Variants in ATG10 observed in about 807,000 individuals in gnomAD.
The protein encoded by ATG10 is autophagy related 10, also known as ubiquitin-like-conjugating enzyme ATG10.
In ATG10, 30 loss-of-function variants were observed where a neutral mutation model predicts 32.1. The observed-to-expected ratio is 0.94, with a 90% CI of 0.70 to 1.27. ATG10 has a LOEUF of 1.27. ATG10 is among the 50% of genes most tolerant of loss of function. The pLI, the probability that ATG10 is intolerant of heterozygous loss-of-function variation, is 0.00. For missense variants in ATG10, 233 were observed against 262.3 expected, an observed-to-expected ratio of 0.89 and a Z score of 0.77; for synonymous variants, 87 against 91.5, an observed-to-expected ratio of 0.95 and a Z score of 0.28.
intron 2 of ATG10, among the ~76,000 whole-genome samples, chr5:82,008,465 CAAG>C (rs1389561384): frequency 2.0e-5 from 3 of 151,996 alleles, no homozygotes; most frequent in Admixed American, 6.6e-5. Context: ...GCAATAATTT[CAAG>C]AAGAACAGGT....
intron 1 of ATG10, among the ~76,000 whole-genome samples, chr5:81,982,891 G>A (rs535738314): frequency 1.3e-5 from 2 of 152,344 alleles, no homozygotes; most frequent in East Asian, 3.9e-4. Context: ...TAGGGTCACA[G>A]ATCAACAGGA....
intron 3 of ATG10, among the ~76,000 whole-genome samples, chr5:82,139,358 A>C (rs1423224488): frequency 6.7e-6 from 1 of 149,166 alleles, no homozygotes; most frequent in Non-Finnish European, 1.5e-5. Context: ...GAAAGTGAGG[A>C]GCGTCTCCGC....
chr5:82,152,894 A>C (rs1196749171), intron 3 of ATG10, among the ~76,000 whole-genome samples: 3 of 152,182 alleles, frequency 2.0e-5, no homozygotes, highest in Non-Finnish European at 2.9e-5. Flanking sequence ...GAAAATGGCA[A>C]CAGACAATTT....
intron 1 of ATG10, among the ~76,000 whole-genome samples, chr5:81,975,682 CA>C (rs111857799): frequency 0.088 from 12,607 of 143,234 alleles, 778 homozygotes; most frequent in African/African-American, 0.19. Flanking sequence ...ACCCCCCTCT[CA>C]AAAAAAAAAA....
intron 5 of ATG10, among the ~76,000 whole-genome samples, chr5:82,184,296 G>T (rs953887234): frequency 6.6e-6 from 1 of 152,110 alleles, no homozygotes; most frequent in African/African-American, 2.4e-5. Context: ...TGTAAAATAC[G>T]TTGTACATTG....
intron 2 of ATG10, among the ~76,000 whole-genome samples, chr5:82,012,692 T>C (rs1581597230): frequency 6.6e-6 from 1 of 152,170 alleles, no homozygotes; most frequent in East Asian, 1.9e-4. Context: ...GGTCTCACTG[T>C]GTCATCCAGG....
intron 3 of ATG10, among the ~76,000 whole-genome samples, chr5:82,105,511 A>G (rs1456889233): frequency 6.6e-6 from 1 of 152,148 alleles, no homozygotes; most frequent in East Asian, 1.9e-4. Context: ...TTCAGTGAGA[A>G]TGCCCTCTGA....
chr5:82,000,979 C>T (rs1173678107), intron 2 of ATG10, among the ~76,000 whole-genome samples: 1 of 152,118 alleles, frequency 6.6e-6, no homozygotes. Flanking sequence ...CATTTCTATG[C>T]ACCAACAATA....
chr5:82,058,592 T>G lies in ATG10; in HGVS notation c.206T>G (p.Leu69Arg), dbSNP rs147821761. The change falls in exon 3 of 8, where the codon CTT (leucine) becomes CGT (arginine). Residue 69 changes from leucine (L) to arginine (R), a missense_variant. Coordinates refer to ENST00000282185, the MANE Select transcript of ATG10 (RefSeq NM_031482.5). Reference protein sequence around the residue: ...LGASTHGQTCLPMEEAFELPL... With the variant: ...LGASTHGQTCRPMEEAFELPL... ...GCATCTACCCATGGACAGACATGTC[T>G]TCCCATGGAGGTGAGTAGTTTAATG... 53 of 1,608,106 alleles carry G rather than the reference T, an allele frequency of 3.3e-5. 1 individual carries two copies. In the East Asian group the frequency reaches 1.2e-3, roughly 35 times the overall value.
intron 3 of ATG10, among the ~76,000 whole-genome samples, chr5:82,098,311 T>TG (rs1397498461): frequency 1.1e-3 from 152 of 141,778 alleles, no homozygotes; most frequent in African/African-American, 3.9e-3. Context: ...TTGTTGGGTT[T>TG]TTTTTTTTTT....
At chr5:81,987,122 A>G (rs1472917454) in intron 1 of ATG10, among the ~76,000 whole-genome samples, 1 of 152,068 alleles carries the variant, frequency 6.6e-6, no homozygotes, top group Non-Finnish European at 1.5e-5. Context: ...AAAAACAAAA[A>G]TACTTTTTTA....
intron 3 of ATG10, among the ~76,000 whole-genome samples, chr5:82,159,473 G>A (rs113903880): frequency 2.6e-3 from 393 of 152,234 alleles, no homozygotes; most frequent in African/African-American, 9.0e-3. Flanking sequence ...GTTGGACTAG[G>A]TGGAGTGATT....
At chr5:82,195,757 A>G (rs1271617529) in intron 5 of ATG10, among the ~76,000 whole-genome samples, 1 of 152,208 alleles carries the variant, frequency 6.6e-6, no homozygotes, top group Admixed American at 6.5e-5. Context: ...TAATAGATAT[A>G]TGACATTTTG....
At chr5:82,226,463 A>G (rs1746135432) in intron 5 of ATG10, among the ~76,000 whole-genome samples, 2 of 152,150 alleles carry the variant, frequency 1.3e-5, no homozygotes, top group Non-Finnish European at 1.5e-5. Context: ...AAGTATTAGT[A>G]TTTCAAACAA....
At chr5:82,154,069 T>C (rs1767717815) in intron 3 of ATG10, among the ~76,000 whole-genome samples, 1 of 152,122 alleles carries the variant, frequency 6.6e-6, no homozygotes, top group African/African-American at 2.4e-5. Flanking sequence ...TAGCCTGCTG[T>C]GTATTTCTGT....
intron 3 of ATG10, among the ~76,000 whole-genome samples, chr5:82,109,852 G>C (rs1259141869): frequency 2.0e-5 from 3 of 151,274 alleles, no homozygotes; most frequent in Non-Finnish European, 2.9e-5. Flanking sequence ...TGTGCACAAT[G>C]TGCAGGTTTG....
chr5:82,073,709 G>T (rs1764193700), intron 3 of ATG10: 1 of 152,112 alleles, frequency 6.6e-6, no homozygotes, highest in Non-Finnish European at 1.5e-5. Context: ...ACACATATGT[G>T]GTAGGTGCTT....
chr5:82,225,197 G>C (rs1484552715), intron 5 of ATG10, among the ~76,000 whole-genome samples: 1 of 152,122 alleles, frequency 6.6e-6, no homozygotes, highest in Admixed American at 6.5e-5. Context: ...CTCTCACTGT[G>C]TCAGTGCAAA....
intron 3 of ATG10, 49 bp from the exon 4 acceptor site, chr5:82,164,350 C>A (rs765257060): frequency 6.4e-7 from 1 of 1,573,712 alleles, no homozygotes; most frequent in Non-Finnish European, 8.7e-7. Context: ...CATGTTAGTA[C>A]TTTTCTTATT....
Sources: gnomAD v4.1 joint callset for allele counts (sites outside exome capture counted in the v4.1 genomes callset) on GRCh38, gnomAD v4.1.1 for gene constraint, MANE v1.5 for transcripts, NCBI Gene and HGNC (gene_info 2026-07-23, HGNC 2026-07-21) for gene names.